Variants in KCNH5 observed in about 807,000 individuals in gnomAD.
KCNH5 encodes the protein voltage-gated delayed rectifier potassium channel KCNH5.
KCNH5 carries 46 observed loss-of-function variants against 96.1 expected under a neutral mutation model. The ratio of observed to expected loss-of-function variants is 0.48; its 90% CI spans 0.38 to 0.61. KCNH5 has a LOEUF of 0.61. Ranked by LOEUF, KCNH5 falls within the 20% of genes least tolerant of loss-of-function variation. The pLI, the probability that KCNH5 is intolerant of heterozygous loss-of-function variation, is 0.00. For missense variants in KCNH5, 907 were observed against 1,225.8 expected (o/e 0.74, Z 3.88); for synonymous variants, 439 against 449.8 (o/e 0.98, Z 0.30).
intron 9 of KCNH5, among the ~76,000 whole-genome samples, chr14:62,795,392 C>T (rs183776212): frequency 6.6e-5 from 10 of 152,198 alleles, no homozygotes; most frequent in Admixed American, 5.9e-4. Context: ...TGGATGGCTG[C>T]GTCTGTACTA....
At chr14:62,943,957 G>T (rs781386001) in intron 7 of KCNH5, among the ~76,000 whole-genome samples, 48 of 152,148 alleles carry the variant, frequency 3.2e-4, no homozygotes, top group Admixed American at 7.9e-4. Context: ...AAATTCCCAG[G>T]TAGCAGGTAA....
intron 7 of KCNH5, among the ~76,000 whole-genome samples, chr14:62,893,124 A>G (rs568298578): frequency 6.6e-6 from 1 of 152,336 alleles, no homozygotes; most frequent in Admixed American, 6.5e-5. Context: ...TCTAGAAAGA[A>G]TTCACCATTC....
chr14:62,812,698 G>A (rs750479357), intron 8 of KCNH5, among the ~76,000 whole-genome samples: 21 of 151,832 alleles, frequency 1.4e-4, no homozygotes, highest in Admixed American at 2.6e-4. Flanking sequence ...CTTCTCACTC[G>A]TTCTTTGAAT....
At chr14:62,878,977 C>T (rs141287610) in intron 7 of KCNH5, among the ~76,000 whole-genome samples, 7 of 152,162 alleles carry the variant, frequency 4.6e-5, no homozygotes, top group East Asian at 1.9e-4. Flanking sequence ...TCTCCAAACA[C>T]GGTTGCATTT....
At chr14:63,034,133 TG>T (rs1448677649) in intron 1 of KCNH5, among the ~76,000 whole-genome samples, 1 of 152,144 alleles carries the variant, frequency 6.6e-6, no homozygotes, top group Non-Finnish European at 1.5e-5. Flanking sequence ...TTGGTCAGGC[TG>T]GTCTCGATCT....
intron 6 of KCNH5, among the ~76,000 whole-genome samples, chr14:62,978,031 G>A (rs1197283698): frequency 6.6e-6 from 1 of 152,170 alleles, no homozygotes; most frequent in Non-Finnish European, 1.5e-5. Context: ...AAGAGCCCTG[G>A]GGAAATGTGT....
chr14:63,003,111 G>A (rs1566536441), intron 3 of KCNH5, among the ~76,000 whole-genome samples: 1 of 152,120 alleles, frequency 6.6e-6, no homozygotes, highest in Non-Finnish European at 1.5e-5. Context: ...AAGAGATGAT[G>A]TTAGATTTCA....
In KCNH5 at chr14:63,001,395, C is replaced by A; in HGVS notation, c.369G>T (p.Leu123Phe). The change falls in exon 4 of 11, where the codon TTG becomes TTT. Residue 123 changes from leucine (L) to phenylalanine (F), a missense_variant. By Grantham distance (22) the Leu-to-Phe change is conservative (BLOSUM62 0). Coordinates refer to ENST00000322893, the MANE Select transcript of KCNH5 (RefSeq NM_139318.5). ...PIRNEHEKVV[L>F]FLCTFKDITL... The stretch of plus-strand genomic sequence containing the variant: ...TAATATCCTTGAAAGTACACAGGAA[C>A]AAGACCACCTTTTCATGTTCATTTC... 6.2e-7 allele frequency: 1 copy of A among 1,612,774 alleles called. No individual in the cohort carries two copies. Among genetic ancestry groups the A allele is most frequent in the Non-Finnish European group, 8.5e-7 (1 of 1,179,300 alleles).
At chr14:63,032,884 G>A (rs920528926) in intron 1 of KCNH5, among the ~76,000 whole-genome samples, 1 of 152,208 alleles carries the variant, frequency 6.6e-6, no homozygotes, top group African/African-American at 2.4e-5. Context: ...CATTCCAAGC[G>A]TGGCCTTCTT....
At position 62,989,188 on chromosome 14, in the gene KCNH5, A is replaced by G. The variant is rs568459329; in HGVS notation, c.434-2001T>C. 8.5e-5 allele frequency among the ~76,000 whole-genome samples: 13 copies of G among 152,120 alleles called. No homozygotes were observed. In the East Asian group the frequency reaches 2.5e-3, roughly 29 times the overall value. ...CCAAAACCACATCCTCATTGCTTGC[A>G]AAGTTCTTTCTAAAACACATGCCTT... On this transcript the variant is annotated intron_variant, in intron 4 of 10. Transcript: ENST00000322893.
At chr14:62,793,549 A>G (rs1886478374) in intron 9 of KCNH5, among the ~76,000 whole-genome samples, 2 of 151,814 alleles carry the variant, frequency 1.3e-5, no homozygotes, top group South Asian at 4.1e-4. Context: ...AATCACAAGG[A>G]TAAAGGAGTG....
intron 10 of KCNH5, among the ~76,000 whole-genome samples, chr14:62,758,747 C>A (rs1885682354): frequency 6.6e-6 from 1 of 152,112 alleles, no homozygotes; most frequent in Admixed American, 6.5e-5. Context: ...CCCTACAAAG[C>A]AACATACAGT....
At chr14:62,736,791 C>T (rs576724235) in intron 10 of KCNH5, among the ~76,000 whole-genome samples, 108 of 152,278 alleles carry the variant, frequency 7.1e-4, no homozygotes, top group Non-Finnish European at 1.2e-3. Flanking sequence ...CTAAAGTAAA[C>T]CTGTCTTTAC....
chr14:62,965,191 T>A (rs968030744), intron 6 of KCNH5, among the ~76,000 whole-genome samples: 2 of 152,098 alleles, frequency 1.3e-5, no homozygotes, highest in African/African-American at 4.8e-5. Context: ...TGCTGTAGTT[T>A]GCATGTGGTT....
intron 7 of KCNH5, among the ~76,000 whole-genome samples, chr14:62,944,903 G>A (rs777554669): frequency 3.3e-5 from 5 of 151,986 alleles, no homozygotes; most frequent in Non-Finnish European, 5.9e-5. Flanking sequence ...TCAAAAATTG[G>A]TATACAAACA....
At chr14:62,784,922 T>TA (rs1046633684) in intron 9 of KCNH5, among the ~76,000 whole-genome samples, 77 of 152,338 alleles carry the variant, frequency 5.1e-4, no homozygotes, top group Middle Eastern at 3.4e-3. Flanking sequence ...GAACTCATGA[T>TA]AAACTTTATT....
chr14:62,831,779 G>A (rs1161825107), intron 8 of KCNH5, among the ~76,000 whole-genome samples: 2 of 152,070 alleles, frequency 1.3e-5, no homozygotes, highest in East Asian at 3.9e-4. Context: ...CATAATCATG[G>A]CTTCCTGCAG....
intron 6 of KCNH5, among the ~76,000 whole-genome samples, chr14:62,979,028 T>C (rs1671402013): frequency 6.6e-6 from 1 of 152,206 alleles, no homozygotes; most frequent in African/African-American, 2.4e-5. Flanking sequence ...TAACTGAAGT[T>C]TTGTATTCTT....
chr14:63,000,216 T>C (rs868119869), intron 4 of KCNH5, among the ~76,000 whole-genome samples: 34 of 152,332 alleles, frequency 2.2e-4, no homozygotes, highest in African/African-American at 7.7e-4. Context: ...AAAGTTTCTA[T>C]GCCAGTTTTT....
Sources: allele counts gnomAD v4.1 joint callset (sites outside exome capture counted in the v4.1 genomes callset), GRCh38; gene constraint gnomAD v4.1.1; transcripts MANE v1.5; gene names NCBI Gene and HGNC (gene_info 2026-07-23, HGNC 2026-07-21).